CFAP44: variants seen among roughly 807,000 people sequenced by gnomAD.
CFAP44 encodes the protein cilia- and flagella-associated protein 44.
In CFAP44, 134 loss-of-function variants were observed where a neutral mutation model predicts 216.2. The observed-to-expected ratio is 0.62, with a 90% confidence interval of 0.54 to 0.72. The LOEUF is 0.72. Among genes scored for constraint, CFAP44 ranks in the 30% least tolerant of loss-of-function variants. CFAP44 has a pLI of 0.00. For synonymous variants in CFAP44, 700 were observed against 727.6 expected, an observed-to-expected ratio of 0.96 and a Z score of 0.61; for missense variants, 2,035 against 2,182.1, an observed-to-expected ratio of 0.93 and a Z score of 1.34.
intron 4 of CFAP44, among the ~76,000 whole-genome samples, chr3:113,421,666 T>C (rs1934818990): frequency 6.6e-6 from 1 of 152,202 alleles, no homozygotes; most frequent in African/African-American, 2.4e-5. Flanking sequence ...GTGAAAAGAA[T>C]GAAATCATGT....
intron 15 of CFAP44, among the ~76,000 whole-genome samples, chr3:113,386,756 G>C (rs775877450): frequency 3.9e-5 from 6 of 152,152 alleles, no homozygotes; most frequent in African/African-American, 1.4e-4. Flanking sequence ...GGTGAGTGAT[G>C]ACAATACTTG....
chr3:113,402,889 CAT>C (rs1411506202), intron 9 of CFAP44, among the ~76,000 whole-genome samples: 8 of 152,176 alleles, frequency 5.3e-5, no homozygotes, highest in Non-Finnish European at 1.0e-4. Flanking sequence ...GCAAATATAT[CAT>C]ATGACAAAAT....
At chr3:113,359,356 A>T (rs1284181965) in intron 21 of CFAP44, among the ~76,000 whole-genome samples, 2 of 152,206 alleles carry the variant, frequency 1.3e-5, no homozygotes, top group Non-Finnish European at 2.9e-5. Flanking sequence ...CCATAAGGAT[A>T]CTTAGAGGTC....
At chr3:113,424,870 T>A (rs1934918602) in intron 4 of CFAP44, among the ~76,000 whole-genome samples, 1 of 152,176 alleles carries the variant, frequency 6.6e-6, no homozygotes, top group African/African-American at 2.4e-5. Context: ...GACCCTCCCA[T>A]CCTGGAGCAG....
In CFAP44 at chr3:113,291,359, A is replaced by C. The variant is rs1949827071; in HGVS notation, c.*198T>G. The C allele has an allele frequency of 3.6e-6, 2 of 560,846 alleles. No homozygotes were observed. Among genetic ancestry groups the C allele is most frequent in the Admixed American group, 3.1e-5 (1 of 32,390 alleles). The allele number at this position is 560,846 out of a possible 1,614,324, so 34.7% of individuals were successfully genotyped here. On this transcript the variant is annotated 3_prime_UTR_variant, in exon 35 of 35. Coordinates refer to ENST00000393845, the MANE Select transcript of CFAP44 (RefSeq NM_001164496.2). ...ATCTAAAATGATTCAGTTTCATAAC[A>C]GAGGTTGGGTGCTGCAGTCAGTTCT...
chr3:113,353,624 G>A (rs1198504464), intron 22 of CFAP44, among the ~76,000 whole-genome samples: 7 of 151,964 alleles, frequency 4.6e-5, no homozygotes, highest in Non-Finnish European at 8.8e-5. Flanking sequence ...TATAATTCAG[G>A]GATTCAAATA....
At chr3:113,389,576 GT>G (rs1304427910) in intron 15 of CFAP44, among the ~76,000 whole-genome samples, 1 of 151,790 alleles carries the variant, frequency 6.6e-6, no homozygotes, top group Non-Finnish European at 1.5e-5. Flanking sequence ...TTAAAAAGTT[GT>G]TTTTTTCAAA....
intron 28 of CFAP44, among the ~76,000 whole-genome samples, chr3:113,312,365 G>A (rs561160258): frequency 5.3e-5 from 8 of 151,390 alleles, no homozygotes; most frequent in Non-Finnish European, 1.0e-4. Context: ...TTACAGGTAT[G>A]AGCCACCCCG....
chr3:113,315,683 GT>G (rs1477227971), intron 28 of CFAP44, among the ~76,000 whole-genome samples: 2 of 152,282 alleles, frequency 1.3e-5, no homozygotes, highest in Admixed American at 6.5e-5. Flanking sequence ...CTTTATGATG[GT>G]GTGAAAGCAA....
At chr3:113,324,058 A>AAAAAAAAAAAAAAAG (rs1553753480) in intron 28 of CFAP44, among the ~76,000 whole-genome samples, 4 of 151,612 alleles carry the variant, frequency 2.6e-5, no homozygotes, top group African/African-American at 9.7e-5. Flanking sequence ...AAAAAAAAAA[A>AAAAAAAAAAAAAAAG]AGAGAGAAAT....
At chr3:113,353,256 G>T (rs1367124452) in intron 22 of CFAP44, among the ~76,000 whole-genome samples, 1 of 152,116 alleles carries the variant, frequency 6.6e-6, no homozygotes, top group Non-Finnish European at 1.5e-5. Flanking sequence ...ACCACAGAAT[G>T]AAAGGACTAA....
chr3:113,295,894 G>C (rs1949875067), intron 33 of CFAP44, among the ~76,000 whole-genome samples: 1 of 152,176 alleles, frequency 6.6e-6, no homozygotes, highest in Non-Finnish European at 1.5e-5. Context: ...AAAACTGTCA[G>C]AGCATTTATA....
chr3:113,434,971 C>T (rs762059878), intron 1 of CFAP44: 1 of 152,178 alleles, frequency 6.6e-6, no homozygotes, highest in Admixed American at 6.5e-5. Context: ...GGGTTCATTC[C>T]ATGTTTTCCT....
At chr3:113,291,844 C>T (rs911694056) in intron 34 of CFAP44, 96 bp from the exon 35 acceptor site, 1 of 1,330,904 alleles carries the variant, frequency 7.5e-7, no homozygotes, top group Non-Finnish European at 1.0e-6. Context: ...GCTGGCCTGA[C>T]AGTCACCCTA....
intron 28 of CFAP44, among the ~76,000 whole-genome samples, chr3:113,311,670 A>T (rs1318512131): frequency 6.6e-6 from 1 of 152,180 alleles, no homozygotes; most frequent in Non-Finnish European, 1.5e-5. Context: ...GATATCCAAA[A>T]ATATGGAAGC....
intron 34 of CFAP44, chr3:113,294,476 G>A: frequency 1.9e-6 from 1 of 535,976 alleles, no homozygotes; most frequent in Non-Finnish European, 3.2e-6. Context: ...TGAGTTCATG[G>A]CACCCAAGAG....
At chr3:113,393,201 C>T (rs113093882) in intron 15 of CFAP44, among the ~76,000 whole-genome samples, 1 of 152,340 alleles carries the variant, frequency 6.6e-6, no homozygotes, top group South Asian at 2.1e-4. Context: ...CAGTTACATA[C>T]AGTAATTTAC....
chr3:113,400,239 T>C (rs1481259180), intron 12 of CFAP44, among the ~76,000 whole-genome samples: 2 of 152,034 alleles, frequency 1.3e-5, no homozygotes, highest in Non-Finnish European at 2.9e-5. Flanking sequence ...TCCATATAGA[T>C]TTGCCATAAG....
In CFAP44 at chr3:113,401,709, C is replaced by G. The variant is rs1446981264; in HGVS notation, c.1201G>C (p.Asp401His). ...AACAATCCAGTCTCATCTATTACAT[C>G]AGCAGTGTCTATTGTCTCAAAATCC... is the stretch of plus-strand genomic sequence containing the variant. ...IWDFETIDTA[D>H]VIDETGLLEI... The change falls in exon 10 of 35, where the codon GAT becomes CAT. Residue 401 changes from aspartate to histidine, a missense_variant. Asp to His is a moderately conservative substitution (Grantham distance 81). Coordinates refer to ENST00000393845, the MANE Select transcript of CFAP44 (RefSeq NM_001164496.2). 6.2e-7 allele frequency: 1 copy of G among 1,612,928 alleles called. No homozygotes were observed. The highest frequency in any genetic ancestry group is 1.3e-5 in the African/African-American group (1 of 74,954).
Sources: allele counts gnomAD v4.1 joint callset (sites outside exome capture counted in the v4.1 genomes callset), GRCh38; gene constraint gnomAD v4.1.1; transcripts MANE v1.5; gene names NCBI Gene and HGNC (gene_info 2026-07-23, HGNC 2026-07-21).